Variants in SRD5A2 observed in about 807,000 individuals in gnomAD.
SRD5A2 encodes 3-oxo-5-alpha-steroid 4-dehydrogenase 2.
A neutral mutation model predicts 27.4 loss-of-function variants in SRD5A2; 30 were observed. The ratio of observed to expected loss-of-function variants is 1.10; its 90% CI spans 0.82 to 1.49. The LOEUF is 1.49. Ranked by LOEUF, SRD5A2 falls within the 40% of genes most tolerant of loss-of-function variation. The probability of loss-of-function intolerance (pLI) is 0.00; values close to 1 mark genes in which losing one functional copy is unlikely to be tolerated. For synonymous variants in SRD5A2, 141 were observed against 133.6 expected, an observed-to-expected ratio of 1.06 and a Z score of -0.38; for missense variants, 348 against 323.4, an observed-to-expected ratio of 1.08 and a Z score of -0.58.
chr2:31,555,109 C>T (rs1666468399), intron 1 of SRD5A2, among the ~76,000 whole-genome samples: 1 of 151,598 alleles, frequency 6.6e-6, no homozygotes, highest in East Asian at 1.9e-4. Flanking sequence ...AAATAACTCA[C>T]TTATTTCCAA....
the SRD5A2 span, among the ~76,000 whole-genome samples, chr2:31,588,530 T>C: frequency 1.3e-5 from 2 of 151,994 alleles, no homozygotes; most frequent in Non-Finnish European, 2.9e-5. Flanking sequence ...CTAGTGAAAA[T>C]ATTATGCAAA....
chr2:31,641,914 A>T, the SRD5A2 span, among the ~76,000 whole-genome samples: 5 of 152,238 alleles, frequency 3.3e-5, no homozygotes, highest in African/African-American at 1.2e-4. Context: ...CTAAGCTTAT[A>T]TGGAAAAGCA....
chr2:31,545,986 T>A (rs994182189), intron 1 of SRD5A2, among the ~76,000 whole-genome samples: 5 of 152,062 alleles, frequency 3.3e-5, no homozygotes, highest in African/African-American at 1.2e-4. Context: ...AATAAAATAC[T>A]TAGGAATTAA....
intron 1 of SRD5A2, among the ~76,000 whole-genome samples, chr2:31,563,799 G>T (rs549395345): frequency 7.2e-4 from 110 of 152,210 alleles, no homozygotes; most frequent in African/African-American, 2.6e-3. Context: ...CCATAAGCCA[G>T]ATAGAAAAGC....
At chr2:31,574,247 A>G (rs1457417013) in intron 1 of SRD5A2, among the ~76,000 whole-genome samples, 4 of 152,232 alleles carry the variant, frequency 2.6e-5, no homozygotes, top group African/African-American at 4.8e-5. Flanking sequence ...CTAGAGGGCA[A>G]GCACTAGGTA....
At chr2:31,640,499 T>C in the SRD5A2 span, among the ~76,000 whole-genome samples, 1 of 152,322 alleles carries the variant, frequency 6.6e-6, no homozygotes, top group East Asian at 1.9e-4. Flanking sequence ...TATATTTGCT[T>C]AGTAAACCTT....
intron 1 of SRD5A2, among the ~76,000 whole-genome samples, chr2:31,553,680 A>G (rs1666428002): frequency 1.3e-5 from 2 of 152,232 alleles, no homozygotes; most frequent in Admixed American, 1.3e-4. Context: ...TCCACACCAC[A>G]GAATACTACT....
chr2:31,620,712 C>T, the SRD5A2 span, among the ~76,000 whole-genome samples: 14 of 151,264 alleles, frequency 9.3e-5, 2 homozygotes, highest in African/African-American at 3.4e-4. Flanking sequence ...TTAAATGCTC[C>T]GAAAAGGTCT....
the SRD5A2 span, among the ~76,000 whole-genome samples, chr2:31,634,063 A>T: frequency 2.6e-4 from 40 of 152,346 alleles, 1 homozygote; most frequent in East Asian, 4.6e-3. Flanking sequence ...ATTGGGATAT[A>T]AACCCAGGCA....
At chr2:31,633,228 C>T in the SRD5A2 span, among the ~76,000 whole-genome samples, 2 of 152,174 alleles carry the variant, frequency 1.3e-5, no homozygotes, top group Non-Finnish European at 2.9e-5. Flanking sequence ...AGTTTCCTCC[C>T]CTCGGGATGG....
At chr2:31,572,855 C>A (rs1254503756) in intron 1 of SRD5A2, among the ~76,000 whole-genome samples, 1 of 152,024 alleles carries the variant, frequency 6.6e-6, no homozygotes, top group Non-Finnish European at 1.5e-5. Context: ...TTCACAGTAA[C>A]TTCTAGGATC....
At chr2:31,631,787 C>T in the SRD5A2 span, among the ~76,000 whole-genome samples, 1 of 152,120 alleles carries the variant, frequency 6.6e-6, no homozygotes, top group Admixed American at 6.6e-5. Context: ...GATAGGATGA[C>T]AACAGAGGAA....
chr2:31,582,318 G>A (rs549971060), upstream of SRD5A2, among the ~76,000 whole-genome samples: 2 of 152,136 alleles, frequency 1.3e-5, no homozygotes, highest in East Asian at 1.9e-4. Flanking sequence ...ATCTGCTCCC[G>A]TTTGGGGTGT....
At chr2:31,619,534 T>G in the SRD5A2 span, among the ~76,000 whole-genome samples, 24 of 152,168 alleles carry the variant, frequency 1.6e-4, no homozygotes, top group Non-Finnish European at 3.5e-4. Context: ...CAACAATGAC[T>G]GAACTAATTT....
At chr2:31,588,306 C>A in the SRD5A2 span, among the ~76,000 whole-genome samples, 1 of 20,128 alleles carries the variant, frequency 5.0e-5, no homozygotes, top group Middle Eastern at 0.014. Flanking sequence ...AAAGAGACTA[C>A]CTCAAGGCAT....
chr2:31,579,349 G>C (rs531754074), intron 1 of SRD5A2, among the ~76,000 whole-genome samples: 15 of 152,176 alleles, frequency 9.9e-5, no homozygotes, highest in Admixed American at 6.5e-4. Context: ...TTCTCTTTAC[G>C]AGACAGATTA....
chr2:31,632,361 T>C, the SRD5A2 span, among the ~76,000 whole-genome samples: 289 of 152,280 alleles, frequency 1.9e-3, 1 homozygote, highest in Non-Finnish European at 3.2e-3. Context: ...ACAAAGACAC[T>C]TTAAAAAAGA....
At chr2:31,653,672 T>C in the SRD5A2 span, among the ~76,000 whole-genome samples, 1 of 152,128 alleles carries the variant, frequency 6.6e-6, no homozygotes, top group Non-Finnish European at 1.5e-5. Flanking sequence ...TTTTTTTTTC[T>C]TTTTGAGACG....
the SRD5A2 span, among the ~76,000 whole-genome samples, chr2:31,599,546 C>A: frequency 1.3e-5 from 2 of 151,926 alleles, no homozygotes; most frequent in East Asian, 3.9e-4. Context: ...AAACAACATG[C>A]TTCTGAATGA....
Sources: gnomAD v4.1 joint callset for allele counts (sites outside exome capture counted in the v4.1 genomes callset) on GRCh38, gnomAD v4.1.1 for gene constraint, MANE v1.5 for transcripts, NCBI Gene and HGNC (gene_info 2026-07-23, HGNC 2026-07-21) for gene names.